ZMIZ1: variants seen among roughly 807,000 people sequenced by gnomAD.
The protein encoded by ZMIZ1 is zinc finger MIZ domain-containing protein 1.
ZMIZ1 carries 17 observed loss-of-function variants against 113.9 expected under a neutral mutation model. The ratio of observed to expected loss-of-function variants is 0.15; its 90% CI spans 0.10 to 0.22. The LOEUF (loss-of-function observed/expected upper bound fraction) is 0.22, where lower values mean the gene tolerates loss of function less well. Ranked by LOEUF, ZMIZ1 falls within the 10% of genes least tolerant of loss-of-function variation. The probability of loss-of-function intolerance (pLI) is 1.00; values close to 1 mark genes in which losing one functional copy is unlikely to be tolerated. For synonymous variants in ZMIZ1, 607 were observed against 603.1 expected (o/e 1.01, Z -0.09); for missense variants, 1,059 against 1,477.8 (o/e 0.72, Z 4.65).
intron 4 of ZMIZ1, among the ~76,000 whole-genome samples, chr10:79,168,280 G>C (rs1172154954): frequency 6.6e-6 from 1 of 152,218 alleles, no homozygotes; most frequent in Non-Finnish European, 1.5e-5. Flanking sequence ...TCCCCCGGGG[G>C]CCTACCTCCT....
intron 3 of ZMIZ1, among the ~76,000 whole-genome samples, chr10:79,147,508 A>T (rs186753055): frequency 9.2e-5 from 14 of 152,306 alleles, no homozygotes; most frequent in African/African-American, 3.1e-4. Context: ...CCACTGAATT[A>T]TTAGCACCTA....
chr10:79,123,886 T>C (rs1055142020), intron 2 of ZMIZ1, among the ~76,000 whole-genome samples: 1 of 152,224 alleles, frequency 6.6e-6, no homozygotes, highest in African/African-American at 2.4e-5. Flanking sequence ...CACACGGAGC[T>C]GGGATTCCAG....
rs764332215 is a variant in ZMIZ1 at position 79,293,537 on chromosome 10, C to T, written c.1114C>T (p.Pro372Ser). 6.2e-7 allele frequency: 1 copy of T among 1,611,610 alleles called. No homozygotes were observed. Among genetic ancestry groups the T allele is most frequent in the Non-Finnish European group, 8.5e-7 (1 of 1,179,038 alleles). The change falls in exon 12 of 25, where the codon CCG (proline) becomes TCG (serine). Residue 372 changes from proline to serine, a missense_variant. By Grantham distance (74) the Pro-to-Ser change is moderately conservative. Around this residue, in one of 6 missense-constraint regions of ZMIZ1, gnomAD observed 83 missense variants for 103.7 expected, o/e 0.80. Coordinates refer to ENST00000334512, the MANE Select transcript of ZMIZ1 (RefSeq NM_020338.4). ...GPPMGMNQPR[P>S]PGISPFGTHG... ...TCCCATGGGCATGAACCAGCCCCGG[C>T]CGCCCGGCATCAGCCCCTTTGGCAC...
intron 4 of ZMIZ1, among the ~76,000 whole-genome samples, chr10:79,168,889 G>A (rs1305015017): frequency 1.3e-5 from 2 of 152,224 alleles, no homozygotes; most frequent in African/African-American, 2.4e-5. Flanking sequence ...GAGCTGACTG[G>A]TTAACGGAGA....
chr10:79,115,449 C>T (rs1312585876), intron 1 of ZMIZ1, among the ~76,000 whole-genome samples: 1 of 152,158 alleles, frequency 6.6e-6, no homozygotes, highest in Non-Finnish European at 1.5e-5. Context: ...GGTGCTGTGG[C>T]CTGTCTGTAG....
intron 4 of ZMIZ1, among the ~76,000 whole-genome samples, chr10:79,187,933 C>G (rs1237459619): frequency 1.3e-5 from 2 of 152,162 alleles, no homozygotes; most frequent in Non-Finnish European, 2.9e-5. Context: ...GCTTTGAAGT[C>G]TGATAGATCT....
chr10:79,070,564 GC>G (rs1183758625), intron 1 of ZMIZ1, among the ~76,000 whole-genome samples: 1 of 151,924 alleles, frequency 6.6e-6, no homozygotes, highest in Non-Finnish European at 1.5e-5. Context: ...CCCGGGGACA[GC>G]CGGTCGGCAC....
chr10:79,157,402 T>TGTGG (rs777016251), intron 3 of ZMIZ1, among the ~76,000 whole-genome samples: 1 of 143,402 alleles, frequency 7.0e-6, no homozygotes, highest in Non-Finnish European at 1.5e-5. Context: ...TGTGTGTGTG[T>TGTGG]GGTCAGTTGG....
At chr10:79,311,757 G>A (rs1220508221) in intron 24 of ZMIZ1, among the ~76,000 whole-genome samples, 1 of 152,142 alleles carries the variant, frequency 6.6e-6, no homozygotes, top group Non-Finnish European at 1.5e-5. Context: ...AGGTGCCAGG[G>A]CTCCTACCCT....
chr10:79,165,301 G>A (rs1007429327), intron 4 of ZMIZ1, among the ~76,000 whole-genome samples: 5 of 152,174 alleles, frequency 3.3e-5, no homozygotes, highest in South Asian at 2.1e-4. Flanking sequence ...TGACAAAGCC[G>A]GTTTCCTCTT....
intron 12 of ZMIZ1, chr10:79,294,941 G>A (rs1448503539): frequency 1.3e-5 from 1 of 77,542 alleles, no homozygotes; most frequent in Non-Finnish European, 2.9e-5. Flanking sequence ...AGGGGAGAGA[G>A]AGGGGGGGGG....
intron 1 of ZMIZ1, among the ~76,000 whole-genome samples, chr10:79,094,687 G>A (rs570157564): frequency 1.8e-4 from 27 of 152,344 alleles, no homozygotes; most frequent in African/African-American, 5.3e-4. Flanking sequence ...AGTGGCTCAC[G>A]CCTCTAATCC....
Position 79,127,062 on chromosome 10 carries a change from T to C in ZMIZ1, c.-227+8038T>C, listed in dbSNP as rs117231554. Among the ~76,000 whole-genome samples, 172 of 152,298 alleles carry C rather than the reference T, an allele frequency of 1.1e-3. 2 individuals carry two copies. The East Asian group carries it at 0.03, about 27-fold the overall frequency. On this transcript the variant is annotated intron_variant, in intron 2 of 24. Transcript: ENST00000334512. ...ATGAGAGATGCGCCTCCCTTCTCTT[T>C]GCTGTGACCAACTCCTTCTTTCCTC...
At chr10:79,309,572 G>T (rs1057183926) in intron 23 of ZMIZ1, among the ~76,000 whole-genome samples, 3 of 152,234 alleles carry the variant, frequency 2.0e-5, no homozygotes, top group Non-Finnish European at 4.4e-5. Flanking sequence ...TGCTCCCTAA[G>T]GCCGCATGGG....
intron 2 of ZMIZ1, among the ~76,000 whole-genome samples, chr10:79,139,117 G>A (rs549580598): frequency 1.8e-4 from 27 of 152,298 alleles, no homozygotes; most frequent in Non-Finnish European, 3.7e-4. Context: ...AAGGGAGTGA[G>A]CTGGTTTTCC....
Position 79,095,342 on chromosome 10 carries a change from C to T in ZMIZ1, c.-336-23573C>T, listed in dbSNP as rs16936842. Reference sequence around the variant, plus strand: ...AGAACGCTATCAAGTCAAATATTTTCCTGATTTAATTTCAATAGTACTGTT... The same window carrying T: ...AGAACGCTATCAAGTCAAATATTTTTCTGATTTAATTTCAATAGTACTGTT... On this transcript the variant is annotated intron_variant, in intron 1 of 24. Coordinates refer to ENST00000334512, the MANE Select transcript of ZMIZ1 (RefSeq NM_020338.4). Among the ~76,000 whole-genome samples, 1,337 of 152,284 alleles carry T rather than the reference C, an allele frequency of 8.8e-3. 20 individuals are homozygous for T. The highest frequency in any genetic ancestry group is 0.03 in the African/African-American group (1,253 of 41,546).
chr10:79,209,377 G>C (rs1384319350), intron 6 of ZMIZ1, among the ~76,000 whole-genome samples: 1 of 152,240 alleles, frequency 6.6e-6, no homozygotes, highest in Non-Finnish European at 1.5e-5. Context: ...CCAGCCAACA[G>C]GGCCCCATGG....
At chr10:79,259,148 C>G (rs1851100362) in intron 7 of ZMIZ1, among the ~76,000 whole-genome samples, 1 of 152,172 alleles carries the variant, frequency 6.6e-6, no homozygotes, top group Admixed American at 6.5e-5. Context: ...TGTTGTTGCC[C>G]TGTCGAGCCA....
intron 1 of ZMIZ1, among the ~76,000 whole-genome samples, chr10:79,082,259 G>A (rs1842684427): frequency 6.6e-6 from 1 of 152,244 alleles, no homozygotes; most frequent in African/African-American, 2.4e-5. Flanking sequence ...GGCTCCTCCA[G>A]CCTGGGGGCC....
Sources: gnomAD v4.1 joint callset for allele counts (sites outside exome capture counted in the v4.1 genomes callset) on GRCh38, gnomAD v4.1.1 for gene constraint, gnomAD v4.1.1 regional missense constraint, MANE v1.5 for transcripts, NCBI Gene and HGNC (gene_info 2026-07-23, HGNC 2026-07-21) for gene names.